HUNK: variants seen among roughly 807,000 people sequenced by gnomAD.
HUNK encodes hormonally up-regulated neu tumor-associated kinase.
A neutral mutation model predicts 61.0 loss-of-function variants in HUNK; 21 were observed. The ratio of observed to expected loss-of-function variants is 0.34; its 90% CI spans 0.24 to 0.50. The LOEUF (loss-of-function observed/expected upper bound fraction) is 0.50, where lower values mean the gene tolerates loss of function less well. HUNK is among the 20% of genes least tolerant of loss of function. The pLI, the probability that HUNK is intolerant of heterozygous loss-of-function variation, is 0.98. For missense variants in HUNK, 772 were observed against 945.7 expected (o/e 0.82, Z 2.41); for synonymous variants, 371 against 386.1 (o/e 0.96, Z 0.46).
intron 1 of HUNK, among the ~76,000 whole-genome samples, chr21:31,919,225 T>C (rs149751465): frequency 1.2e-3 from 151 of 126,204 alleles, no homozygotes; most frequent in African/African-American, 4.1e-3. Context: ...CTGGAATGAG[T>C]GGTATGAGGA....
At chr21:31,996,815 G>C (rs1326514262) in intron 10 of HUNK, among the ~76,000 whole-genome samples, 1 of 152,204 alleles carries the variant, frequency 6.6e-6, no homozygotes, top group Non-Finnish European at 1.5e-5. Context: ...CCTGCCTCCT[G>C]TCCTTCTATC....
rs1390823222 is a variant in HUNK at position 31,873,851 on chromosome 21, C to T, written c.177C>T (p.Gly59=). The part of the protein sequence containing the change: ...LRDFQHHKRV[G]NYLIGSRKLG... ...ACTTCCAGCACCACAAGCGCGTGGG[C>T]AACTACCTCATCGGCAGCAGGAAGC... Residue 59 remains glycine, a synonymous_variant, in exon 1 of 11, where the codon GGC becomes GGT. Transcript: ENST00000270112. The surrounding 1 kb of genome is among the most constrained non-coding windows in gnomAD (Gnocchi z 6.1). The T allele has an allele frequency of 4.4e-6, 7 of 1,586,016 alleles. No homozygotes were observed. The highest frequency in any genetic ancestry group is 1.7e-5 in the Admixed American group (1 of 57,592).
At chr21:31,947,415 G>A (rs1272083259) in intron 4 of HUNK, among the ~76,000 whole-genome samples, 8 of 152,348 alleles carry the variant, frequency 5.3e-5, no homozygotes, top group Non-Finnish European at 1.0e-4. Flanking sequence ...AGCCAATGGC[G>A]TCACTGCCGA....
At chr21:31,989,338 T>C (rs1411972192) in intron 8 of HUNK, among the ~76,000 whole-genome samples, 1 of 152,188 alleles carries the variant, frequency 6.6e-6, no homozygotes, top group Non-Finnish European at 1.5e-5. Context: ...ATATTCACTT[T>C]GTGTCTTATT....
intron 1 of HUNK, among the ~76,000 whole-genome samples, chr21:31,916,992 T>G (rs1030590219): frequency 6.6e-6 from 1 of 152,158 alleles, no homozygotes; most frequent in Admixed American, 6.5e-5. Context: ...CCTCTCTTTC[T>G]GTCTCTCCTG....
At chr21:31,879,163 T>C (rs1486352377) in intron 1 of HUNK, among the ~76,000 whole-genome samples, 1 of 152,212 alleles carries the variant, frequency 6.6e-6, no homozygotes, top group African/African-American at 2.4e-5. Context: ...CAGATCTGTT[T>C]TTAGCAAGTA....
chr21:31,899,422 G>C (rs1271948016), intron 1 of HUNK, among the ~76,000 whole-genome samples: 1 of 152,028 alleles, frequency 6.6e-6, no homozygotes, highest in African/African-American at 2.4e-5. Flanking sequence ...GCAAATTCGC[G>C]TGACCTTTGC....
At chr21:31,959,467 G>T (rs751146157) in intron 5 of HUNK, among the ~76,000 whole-genome samples, 59 of 152,234 alleles carry the variant, frequency 3.9e-4, no homozygotes, top group Admixed American at 1.6e-3. Flanking sequence ...ATATATAGAG[G>T]TTAAGTTACT....
At chr21:31,985,667 C>T (rs964522141) in intron 8 of HUNK, among the ~76,000 whole-genome samples, 2 of 152,100 alleles carry the variant, frequency 1.3e-5, no homozygotes, top group Admixed American at 6.5e-5. Context: ...CAGTGGGGCC[C>T]GTGGGAACAG....
At position 31,887,042 on chromosome 21, in the gene HUNK, G is replaced by A. The variant is rs73191252; in HGVS notation, c.261+13107G>A. On this transcript the variant is annotated intron_variant, in intron 1 of 10. Transcript: ENST00000270112. Reference sequence around the variant, plus strand: ...GTTGGCAGGCTCTGGTTCTGCAAGCGCTGTATGTTTCTCTCATTCCTTGCT... The same window carrying A: ...GTTGGCAGGCTCTGGTTCTGCAAGCACTGTATGTTTCTCTCATTCCTTGCT... 3.3e-3 allele frequency among the ~76,000 whole-genome samples: 509 copies of A among 152,308 alleles called. 1 individual carries two copies. The highest frequency in any genetic ancestry group is 5.7e-3 in the Non-Finnish European group (389 of 68,024).
At chr21:31,894,618 C>T (rs1232921279) in intron 1 of HUNK, among the ~76,000 whole-genome samples, 3 of 152,168 alleles carry the variant, frequency 2.0e-5, no homozygotes, top group African/African-American at 4.8e-5. Flanking sequence ...AAGACATCCC[C>T]TCTGGGTGAA....
At chr21:31,898,100 C>A (rs1021383877) in intron 1 of HUNK, among the ~76,000 whole-genome samples, 1 of 152,118 alleles carries the variant, frequency 6.6e-6, no homozygotes, top group African/African-American at 2.4e-5. Context: ...GTGCAAGACC[C>A]CCCGCTGGTC....
chr21:31,995,750 T>G lies in HUNK; in HGVS notation c.1306-18T>G. Reference sequence around the variant, plus strand: ...TCTAGTATGTGTCTAAGTGCATATGTTTGCTTCTGATTTGTAGGATAAAAA... The same window carrying G: ...TCTAGTATGTGTCTAAGTGCATATGGTTGCTTCTGATTTGTAGGATAAAAA... On this transcript the variant is annotated intron_variant, in intron 9 of 10. Coordinates refer to ENST00000270112, the MANE Select transcript of HUNK (RefSeq NM_014586.2). 1 of 1,607,736 alleles carries G rather than the reference T, an allele frequency of 6.2e-7. No individual in the cohort carries two copies.
At chr21:31,951,665 CCT>C (rs2052850842) in intron 4 of HUNK, among the ~76,000 whole-genome samples, 1 of 152,162 alleles carries the variant, frequency 6.6e-6, no homozygotes, top group South Asian at 2.1e-4. Context: ...AAAAAAAATC[CCT>C]GTCTCCAGTG....
intron 1 of HUNK, among the ~76,000 whole-genome samples, chr21:31,886,352 G>A (rs1372536605): frequency 1.3e-5 from 2 of 151,792 alleles, no homozygotes; most frequent in Non-Finnish European, 2.9e-5. Context: ...AACCTGGCTG[G>A]GAGGCGGACG....
chr21:31,993,031 G>A (rs2053181549), intron 9 of HUNK, among the ~76,000 whole-genome samples: 1 of 152,184 alleles, frequency 6.6e-6, no homozygotes, highest in Non-Finnish European at 1.5e-5. Context: ...ACATACCAGG[G>A]TGCAGGATGT....
At position 31,974,733 on chromosome 21, in the gene HUNK, GA is replaced by G. The variant is rs1489443558; in HGVS notation, c.1173+17del. On this transcript the variant is annotated intron_variant, in intron 7 of 10. Transcript: ENST00000270112. Reference sequence around the variant, plus strand: ...TTTGTCAGGGGTAAGTGCGACCCTAGAGGCGATCGTCTCTGCTGTCTGTGGA... The same window carrying G: ...TTTGTCAGGGGTAAGTGCGACCCTAGGGCGATCGTCTCTGCTGTCTGTGGA... The G allele has an allele frequency of 6.2e-7, 1 of 1,602,616 alleles. No homozygotes were observed. Among genetic ancestry groups the G allele is most frequent in the Non-Finnish European group, 8.5e-7 (1 of 1,174,698 alleles).
At chr21:31,919,093 G>A (rs1193498611) in intron 1 of HUNK, among the ~76,000 whole-genome samples, 3 of 105,322 alleles carry the variant, frequency 2.8e-5, no homozygotes, top group Non-Finnish European at 3.6e-5. Flanking sequence ...AGCGGTATGA[G>A]GAGGAGGGGC....
rs548321340 is a variant in HUNK, at chr21:31,873,519, G to T, written c.-156G>T. ...CGCGCCTCGCTGGGCGGCGCGGGGGGCGTGATCGCGGCGGCCCCGGGCTCT... is the reference window on the plus strand; with the variant it reads ...CGCGCCTCGCTGGGCGGCGCGGGGGTCGTGATCGCGGCGGCCCCGGGCTCT... On this transcript the variant is annotated 5_prime_UTR_variant, in exon 1 of 11. Coordinates refer to ENST00000270112, the MANE Select transcript of HUNK (RefSeq NM_014586.2). The surrounding 1 kb of genome is among the most constrained non-coding windows in gnomAD (Gnocchi z 6.1). The T allele has an allele frequency of 4.4e-6, 2 of 451,558 alleles. No homozygotes were observed. The highest frequency in any genetic ancestry group is 2.1e-5 in the African/African-American group (1 of 46,936). The allele number at this position is 451,558 out of a possible 1,614,324, so 28.0% of individuals were successfully genotyped here. A position where few individuals can be genotyped will look rare whatever the true frequency, so the allele number is the denominator to read the frequency against.
Sources: allele counts gnomAD v4.1 joint callset (sites outside exome capture counted in the v4.1 genomes callset), GRCh38; gene constraint gnomAD v4.1.1; non-coding constraint Gnocchi (gnomAD v3.1); transcripts MANE v1.5; gene names NCBI Gene and HGNC (gene_info 2026-07-23, HGNC 2026-07-21).